The following FAF1 variants were observed in gnomAD, a reference collection of about 807,000 sequenced individuals.
The protein encoded by FAF1 is FAS-associated factor 1.
Under a neutral mutation model 92.5 loss-of-function variants are expected in FAF1, and 25 were observed. That is an observed-to-expected ratio of 0.27 (90% CI 0.20 to 0.38). The LOEUF (loss-of-function observed/expected upper bound fraction) is 0.38. Ranked by LOEUF, FAF1 falls within the 10% of genes least tolerant of loss-of-function variation. FAF1 has a pLI of 1.00. For synonymous variants in FAF1, 234 were observed against 273.2 expected, an observed-to-expected ratio of 0.86 and a Z score of 1.42; for missense variants, 636 against 793.3, an observed-to-expected ratio of 0.80 and a Z score of 2.38.
chr1:50,958,521 CA>C (rs1469785747), intron 1 of FAF1, among the ~76,000 whole-genome samples: 2 of 151,914 alleles, frequency 1.3e-5, no homozygotes, highest in Non-Finnish European at 2.9e-5. Context: ...ACTAAAAATA[CA>C]AAAATATTAG....
At chr1:50,792,136 G>T (rs540880200) in intron 3 of FAF1, among the ~76,000 whole-genome samples, 2 of 152,090 alleles carry the variant, frequency 1.3e-5, no homozygotes, top group Non-Finnish European at 2.9e-5. Flanking sequence ...CCAAGGACTC[G>T]AGGATGGCTG....
chr1:50,921,797 A>G (rs943555239), intron 1 of FAF1, among the ~76,000 whole-genome samples: 3 of 152,208 alleles, frequency 2.0e-5, no homozygotes, highest in Admixed American at 6.5e-5. Flanking sequence ...AAAAAAATTT[A>G]AAGTATAAAA....
At chr1:50,775,810 T>C (rs1034658354) in intron 4 of FAF1, among the ~76,000 whole-genome samples, 2 of 152,166 alleles carry the variant, frequency 1.3e-5, no homozygotes, top group African/African-American at 2.4e-5. Flanking sequence ...CAAAACTTTA[T>C]TGACTAAGTG....
chr1:50,894,359 T>G (rs1644742784), intron 1 of FAF1, among the ~76,000 whole-genome samples: 1 of 140,938 alleles, frequency 7.1e-6, no homozygotes, highest in Non-Finnish European at 1.5e-5. Flanking sequence ...CAACTTGTGG[T>G]GAATGCTGTC....
intron 8 of FAF1, among the ~76,000 whole-genome samples, chr1:50,623,424 C>A (rs142643907): frequency 1.1e-3 from 173 of 151,370 alleles, no homozygotes; most frequent in African/African-American, 4.1e-3. Flanking sequence ...AAGAAATTAG[C>A]TGGGTGTGGC....
At chr1:50,727,492 CTA>C (rs1658712716) in intron 6 of FAF1, among the ~76,000 whole-genome samples, 1 of 152,170 alleles carries the variant, frequency 6.6e-6, no homozygotes, top group African/African-American at 2.4e-5. Context: ...CAAGTATCTA[CTA>C]TGTTTCCGAC....
intron 15 of FAF1, among the ~76,000 whole-genome samples, chr1:50,498,680 T>C (rs933319250): frequency 4.6e-5 from 7 of 151,994 alleles, no homozygotes; most frequent in Non-Finnish European, 7.4e-5. Context: ...TGAAACCCCA[T>C]CTCCACTAAA....
intron 15 of FAF1, among the ~76,000 whole-genome samples, chr1:50,534,632 CTCT>C (rs1324702923): frequency 6.6e-6 from 1 of 152,104 alleles, no homozygotes; most frequent in East Asian, 1.9e-4. Flanking sequence ...CCTTATTAAA[CTCT>C]TCTTAAATAA....
intron 15 of FAF1, among the ~76,000 whole-genome samples, chr1:50,523,133 AT>A (rs1263340503): frequency 6.6e-6 from 1 of 152,188 alleles, no homozygotes; most frequent in Non-Finnish European, 1.5e-5. Context: ...ATTCCATTGT[AT>A]GGATATACCA....
At chr1:50,541,159 T>C (rs1052503490) in intron 13 of FAF1, among the ~76,000 whole-genome samples, 1 of 152,198 alleles carries the variant, frequency 6.6e-6, no homozygotes, top group African/African-American at 2.4e-5. Context: ...TAGAAATTCA[T>C]CTCAGAAATT....
At chr1:50,462,445 G>A (rs1298679479) in intron 18 of FAF1, 1 of 152,118 alleles carries the variant, frequency 6.6e-6, no homozygotes, top group African/African-American at 2.4e-5. Flanking sequence ...TGACTGAGGA[G>A]AGGTAATATT....
At chr1:50,754,423 T>C (rs1366193976) in intron 4 of FAF1, among the ~76,000 whole-genome samples, 1 of 152,192 alleles carries the variant, frequency 6.6e-6, no homozygotes, top group Non-Finnish European at 1.5e-5. Flanking sequence ...GGTTTTCCAA[T>C]CTAGCTGGTA....
intron 15 of FAF1, among the ~76,000 whole-genome samples, chr1:50,511,302 T>C (rs1448249783): frequency 6.6e-6 from 1 of 151,984 alleles, no homozygotes; most frequent in Non-Finnish European, 1.5e-5. Context: ...ACGTGCAGGT[T>C]TGTAACATAG....
chr1:50,602,869 T>C (rs1469864321), intron 8 of FAF1, among the ~76,000 whole-genome samples: 1 of 152,160 alleles, frequency 6.6e-6, no homozygotes, highest in African/African-American at 2.4e-5. Context: ...AAAAAGCAGT[T>C]GTATAATAAC....
chr1:50,776,716 G>C (rs530396413), intron 4 of FAF1, among the ~76,000 whole-genome samples: 1 of 151,704 alleles, frequency 6.6e-6, no homozygotes, highest in East Asian at 1.9e-4. Flanking sequence ...AGATTTAAAA[G>C]AAAAAGTGTG....
chr1:50,593,963 T>A (rs1190103843), intron 9 of FAF1, among the ~76,000 whole-genome samples: 1 of 152,016 alleles, frequency 6.6e-6, no homozygotes, highest in Non-Finnish European at 1.5e-5. Flanking sequence ...TGGAAAAAAA[T>A]TTTTATCTTA....
intron 1 of FAF1, among the ~76,000 whole-genome samples, chr1:50,945,481 T>C (rs1645166636): frequency 1.3e-5 from 2 of 152,206 alleles, no homozygotes; most frequent in Admixed American, 6.5e-5. Flanking sequence ...TGGCATGTAA[T>C]GGCACCCTCT....
chr1:50,864,197 A>G (rs1164033881), intron 1 of FAF1, among the ~76,000 whole-genome samples: 89 of 148,956 alleles, frequency 6.0e-4, no homozygotes, highest in African/African-American at 2.2e-3. Context: ...TTGTGTCTCT[A>G]TTTCCTTCAG....
intron 12 of FAF1, among the ~76,000 whole-genome samples, chr1:50,578,560 T>C (rs756098134): frequency 9.2e-5 from 14 of 152,286 alleles, no homozygotes; most frequent in East Asian, 1.9e-4. Flanking sequence ...TCATGGAACA[T>C]GTGAGCTCTT....
Sources: gnomAD v4.1 joint callset for allele counts (sites outside exome capture counted in the v4.1 genomes callset) on GRCh38, gnomAD v4.1.1 for gene constraint, MANE v1.5 for transcripts, NCBI Gene and HGNC (gene_info 2026-07-23, HGNC 2026-07-21) for gene names.